CEP120: variants seen among roughly 807,000 people sequenced by gnomAD.
CEP120 encodes centrosomal protein of 120 kDa.
Under a neutral mutation model 126.5 loss-of-function variants are expected in CEP120, and 113 were observed. That is an observed-to-expected ratio of 0.89 (90% CI 0.77 to 1.04). The LOEUF is 1.04. CEP120 is among the 50% of genes least tolerant of loss of function. CEP120 has a pLI of 0.00. For synonymous variants in CEP120, 400 were observed against 394.3 expected (o/e 1.01, Z -0.17); for missense variants, 1,230 against 1,155.7 (o/e 1.06, Z -0.93).
At chr5:123,383,171 A>G in intron 11 of CEP120, 89 bp from the exon 12 acceptor site, 7 of 752,198 alleles carry the variant, frequency 9.3e-6, no homozygotes, top group Non-Finnish European at 1.5e-5. Context: ...AGCAATGGGA[A>G]GTAAGCAACA....
At chr5:123,376,587 C>G (rs2127032172) in intron 16 of CEP120, among the ~76,000 whole-genome samples, 1 of 152,138 alleles carries the variant, frequency 6.6e-6, no homozygotes, top group East Asian at 1.9e-4. Context: ...ACATGAGGAG[C>G]AGATTAGAGG....
chr5:123,365,148 G>A (rs1770366313), intron 17 of CEP120, among the ~76,000 whole-genome samples: 1 of 151,618 alleles, frequency 6.6e-6, no homozygotes. Context: ...AATATTTTAA[G>A]AATGTTAACA....
intron 17 of CEP120, among the ~76,000 whole-genome samples, chr5:123,365,362 A>C (rs1237303849): frequency 1.3e-5 from 2 of 151,758 alleles, no homozygotes; most frequent in Non-Finnish European, 3.0e-5. Context: ...CCAAGTACCA[A>C]ACAAATTCAT....
intron 8 of CEP120, among the ~76,000 whole-genome samples, 197 bp from the exon 9 acceptor site, chr5:123,388,803 C>G (rs1415009778): frequency 6.6e-6 from 1 of 152,112 alleles, no homozygotes; most frequent in Non-Finnish European, 1.5e-5. Context: ...AATTTCCATT[C>G]TAGAATTGTG....
At chr5:123,394,029 G>A (rs1021231120) in intron 5 of CEP120, among the ~76,000 whole-genome samples, 3 of 152,188 alleles carry the variant, frequency 2.0e-5, no homozygotes, top group Non-Finnish European at 4.4e-5. Flanking sequence ...TACTATGAGT[G>A]TTACTTTTCA....
At chr5:123,389,680 A>C (rs1772259406) in intron 8 of CEP120, among the ~76,000 whole-genome samples, 1 of 152,000 alleles carries the variant, frequency 6.6e-6, no homozygotes, top group South Asian at 2.1e-4. Context: ...TTGTATTTTT[A>C]GTAGAGACGG....
At chr5:123,412,583 G>A (rs1440754554) in intron 3 of CEP120, 43 bp from the exon 4 acceptor site, 14 of 1,407,474 alleles carry the variant, frequency 9.9e-6, no homozygotes, top group South Asian at 2.9e-5. Flanking sequence ...AGTTAATAAG[G>A]GAAAAAACAT....
chr5:123,369,699 C>G (rs1205468616), intron 17 of CEP120, among the ~76,000 whole-genome samples: 4 of 151,618 alleles, frequency 2.6e-5, no homozygotes, highest in Admixed American at 2.0e-4. Flanking sequence ...CTCAAAGAGG[C>G]CTTCCTTAAC....
intron 19 of CEP120, among the ~76,000 whole-genome samples, chr5:123,349,349 T>TA (rs201827848): frequency 2.0e-5 from 3 of 150,848 alleles, no homozygotes; most frequent in Admixed American, 6.6e-5. Context: ...TTTGAAGATT[T>TA]AAAAAAAAAG....
In CEP120 at chr5:123,412,264, T is replaced by C; in HGVS notation, c.463+135A>G. On this transcript the variant is annotated intron_variant, in intron 4 of 19. Coordinates refer to ENST00000306467, the MANE Select transcript of CEP120 (RefSeq NM_001375405.1). ...AGCTAAGAGCAACAAGTGCTGCATG[T>C]GTAACAATGTCACAATATTTGTCTG... 4 of 720,978 alleles carry C rather than the reference T, an allele frequency of 5.5e-6. No homozygotes were observed. The South Asian group carries it at 1.4e-4, about 25-fold the overall frequency. The allele number at this position is 720,978 out of a possible 1,614,324, so 44.7% of individuals were successfully genotyped here.
Position 123,345,793 on chromosome 5 carries a change from AAAG to A in CEP120, c.*723_*725del, listed in dbSNP as rs1183980349. The stretch of plus-strand genomic sequence containing the variant: ...TAGTATTACTATAACTGGAAAATAA[AAAG>A]AAATCTCTAATTTTAACAAAAGAAA... On this transcript the variant is annotated 3_prime_UTR_variant, in exon 20 of 20. Transcript: ENST00000306467. The A allele has an allele frequency of 3.3e-5, 5 of 152,190 alleles. No individual in the cohort carries two copies. Among genetic ancestry groups the A allele is most frequent in the African/African-American group, 1.2e-4 (5 of 41,464 alleles). 9.4% of individuals were successfully genotyped at this position (152,190 alleles called of 1,614,324 possible).
chr5:123,373,918 T>C (rs1771029826), intron 16 of CEP120, among the ~76,000 whole-genome samples: 1 of 152,012 alleles, frequency 6.6e-6, no homozygotes, highest in Non-Finnish European at 1.5e-5. Flanking sequence ...TCAATTCTGT[T>C]TGAAAGCAAA....
chr5:123,389,908 CA>C lies in CEP120; in HGVS notation c.1255+15del. 1.9e-6 allele frequency: 3 copies of C among 1,603,334 alleles called. No homozygotes were observed. Among genetic ancestry groups the C allele is most frequent in the Non-Finnish European group, 2.6e-6 (3 of 1,170,868 alleles). On this transcript the variant is annotated intron_variant, in intron 8 of 19. Transcript: ENST00000306467. The stretch of plus-strand genomic sequence containing the variant: ...AATACCTCAAAGATCTATAAACAAA[CA>C]ACAAAAAACCTTACCTTTTGGATTT...
chr5:123,418,880 G>C (rs1034303447), intron 1 of CEP120, among the ~76,000 whole-genome samples: 1 of 152,122 alleles, frequency 6.6e-6, no homozygotes, highest in Admixed American at 6.5e-5. Flanking sequence ...ACCATGCCCA[G>C]CCTAGCATGT....
chr5:123,389,893 A>G, intron 8 of CEP120, 31 bp downstream of exon 8: 1 of 1,564,698 alleles, frequency 6.4e-7, no homozygotes, highest in Non-Finnish European at 8.8e-7. Context: ...AATACCTCAA[A>G]GATCTATAAA....
At chr5:123,387,097 T>C (rs1192668415) in intron 9 of CEP120, among the ~76,000 whole-genome samples, 1 of 152,142 alleles carries the variant, frequency 6.6e-6, no homozygotes, top group Non-Finnish European at 1.5e-5. Context: ...GAGAGTGACA[T>C]AACAACACTG....
intron 4 of CEP120, among the ~76,000 whole-genome samples, chr5:123,408,340 GA>G (rs1266578307): frequency 1.3e-5 from 2 of 148,674 alleles, no homozygotes; most frequent in Non-Finnish European, 3.0e-5. Context: ...CTGGTTCTCT[GA>G]AAAGATAAAT....
At chr5:123,354,961 A>G (rs1026750293) in intron 18 of CEP120, among the ~76,000 whole-genome samples, 21 of 149,930 alleles carry the variant, frequency 1.4e-4, no homozygotes, top group Admixed American at 1.1e-3. Context: ...ACAGTCCCCA[A>G]AGTGTGATGT....
chr5:123,411,142 C>T (rs1475466720), intron 4 of CEP120, among the ~76,000 whole-genome samples: 1 of 152,106 alleles, frequency 6.6e-6, no homozygotes, highest in African/African-American at 2.4e-5. Context: ...CTATGATATA[C>T]CTAGTAGAAT....
Sources: gnomAD v4.1 joint callset for allele counts (sites outside exome capture counted in the v4.1 genomes callset) on GRCh38, gnomAD v4.1.1 for gene constraint, MANE v1.5 for transcripts, NCBI Gene and HGNC (gene_info 2026-07-23, HGNC 2026-07-21) for gene names.